Variants in EFCAB6 observed in about 807,000 individuals in gnomAD.
The protein encoded by EFCAB6 is EF-hand calcium-binding domain-containing protein 6.
A neutral mutation model predicts 169.8 loss-of-function variants in EFCAB6; 156 were observed. The observed-to-expected ratio is 0.92, with a 90% CI of 0.81 to 1.05. The LOEUF (loss-of-function observed/expected upper bound fraction) is 1.05, where lower values mean the gene tolerates loss of function less well. Ranked by LOEUF, EFCAB6 falls within the 50% of genes least tolerant of loss-of-function variation. EFCAB6 has a pLI of 0.00. For missense variants in EFCAB6, 1,800 were observed against 1,829.1 expected (o/e 0.98, Z 0.29); for synonymous variants, 698 against 676.4 (o/e 1.03, Z -0.50).
At position 43,534,735 on chromosome 22, in the gene EFCAB6, CCTTTG is replaced by C. The variant is rs2047285440; in HGVS notation, c.4181_4185del (p.Ala1394GlyfsTer52). 2 of 1,613,556 alleles carry C rather than the reference CCTTTG, an allele frequency of 1.2e-6. No homozygotes were observed. Among genetic ancestry groups the C allele is most frequent in the South Asian group, 2.2e-5 (2 of 90,892 alleles). On this transcript the variant is annotated frameshift_variant, in exon 30 of 32. Transcript: ENST00000262726. LOFTEE classifies it high-confidence loss of function. Reference sequence around the variant, plus strand: ...TTCATCCTGTGCATCAGTGAGCTTTCCTTTGCTTTTAGCAGGAGGACACAGCTCTG... The same window carrying C: ...TTCATCCTGTGCATCAGTGAGCTTTCCTTTTAGCAGGAGGACACAGCTCTG...
At chr22:43,634,655 T>C (rs2055242907) in intron 18 of EFCAB6, among the ~76,000 whole-genome samples, 1 of 130,868 alleles carries the variant, frequency 7.6e-6, no homozygotes, top group Non-Finnish European at 1.6e-5. Flanking sequence ...AAGATGGGTT[T>C]CCTAACATCC....
chr22:43,603,589 C>G (rs2052691278), intron 22 of EFCAB6, among the ~76,000 whole-genome samples: 2 of 152,252 alleles, frequency 1.3e-5, no homozygotes, highest in Admixed American at 1.3e-4. Flanking sequence ...TGTCTTAGTC[C>G]TTTCCGCTCA....
At chr22:43,605,171 G>A (rs911597907) in intron 22 of EFCAB6, among the ~76,000 whole-genome samples, 24 of 152,170 alleles carry the variant, frequency 1.6e-4, no homozygotes, top group Middle Eastern at 3.2e-3. Context: ...GAGAGAAATC[G>A]GATGTCGCTG....
chr22:43,589,616 C>T (rs1277529286), intron 24 of EFCAB6, among the ~76,000 whole-genome samples: 3 of 152,024 alleles, frequency 2.0e-5, no homozygotes, highest in Non-Finnish European at 4.4e-5. Flanking sequence ...GGTGAAACCC[C>T]GTCTCTACTA....
At chr22:43,599,259 C>T (rs1161915075) in intron 23 of EFCAB6, among the ~76,000 whole-genome samples, 1 of 152,088 alleles carries the variant, frequency 6.6e-6, no homozygotes, top group African/African-American at 2.4e-5. Flanking sequence ...TATAGACACA[C>T]TGCACTTTGG....
intron 24 of EFCAB6, among the ~76,000 whole-genome samples, chr22:43,581,766 A>C (rs2147316810): frequency 6.6e-6 from 1 of 152,326 alleles, no homozygotes; most frequent in South Asian, 2.1e-4. Flanking sequence ...GAGCTTTTCC[A>C]ACCCACAGCT....
chr22:43,738,663 A>T (rs934548747), intron 6 of EFCAB6, among the ~76,000 whole-genome samples: 2 of 152,184 alleles, frequency 1.3e-5, no homozygotes, highest in East Asian at 1.9e-4. Flanking sequence ...ACTGTCATAC[A>T]CACCATCACA....
At position 43,731,740 on chromosome 22, in the gene EFCAB6, AT is replaced by A. The variant is rs1481351307; in HGVS notation, c.715del (p.Ile239Ter). The A allele has an allele frequency of 4.4e-6, 7 of 1,603,898 alleles. 1 individual carries two copies. Among genetic ancestry groups the A allele is most frequent in the Middle Eastern group, 1.7e-4 (1 of 6,014 alleles). ...ATATCTAAGGTTCAAGTCGTTATTT[AT>A]GCTGAGATTCTTCAAAAACACGTTG... The part of the protein sequence containing the change: ...DYNVFLKNLS[I>X]NNDLNLRYCM... On this transcript the variant is annotated frameshift_variant, in exon 8 of 32. Transcript: ENST00000262726. LOFTEE classifies it high-confidence loss of function.
intron 17 of EFCAB6, among the ~76,000 whole-genome samples, chr22:43,665,839 G>C (rs2057221691): frequency 6.6e-6 from 1 of 152,226 alleles, no homozygotes; most frequent in East Asian, 1.9e-4. Flanking sequence ...CCAGGCTGGA[G>C]TGCAGTGGCA....
chr22:43,761,238 C>A (rs2061152338), intron 5 of EFCAB6, among the ~76,000 whole-genome samples: 2 of 152,306 alleles, frequency 1.3e-5, no homozygotes, highest in African/African-American at 2.4e-5. Flanking sequence ...AAATAAATTT[C>A]TTTTCTTACA....
chr22:43,640,054 T>G (rs1239539249), intron 17 of EFCAB6, among the ~76,000 whole-genome samples: 2 of 152,218 alleles, frequency 1.3e-5, no homozygotes, highest in African/African-American at 2.4e-5. Flanking sequence ...GAGTATATTT[T>G]CCTTTGTATC....
intron 26 of EFCAB6, among the ~76,000 whole-genome samples, chr22:43,562,985 C>G (rs1222616953): frequency 1.3e-5 from 2 of 152,178 alleles, no homozygotes; most frequent in East Asian, 3.9e-4. Context: ...CTGCTGCTAT[C>G]TGGGACGAGC....
chr22:43,706,131 C>T (rs2058949369), intron 10 of EFCAB6, among the ~76,000 whole-genome samples: 1 of 152,116 alleles, frequency 6.6e-6, no homozygotes, highest in Non-Finnish European at 1.5e-5. Context: ...CATATACAAC[C>T]TTCCAAGACT....
Position 43,668,815 on chromosome 22 carries a change from C to T in EFCAB6, c.1814+57G>A, listed in dbSNP as rs181706438. On this transcript the variant is annotated intron_variant, in intron 16 of 31. Transcript: ENST00000262726. ...CAGTTGACAAATAGTTACTAAATAC[C>T]TATTCCATGACAGACACTGTGGTTT... 2.9e-6 allele frequency: 4 copies of T among 1,403,406 alleles called. No homozygotes were observed. The South Asian group carries it at 5.7e-5, about 20-fold the overall frequency. The allele number at this position is 1,403,406 out of a possible 1,614,324, so 86.9% of individuals were successfully genotyped here.
chr22:43,765,251 T>G, intron 5 of EFCAB6, 54 bp downstream of exon 5: 1 of 1,381,854 alleles, frequency 7.2e-7, no homozygotes, highest in South Asian at 1.2e-5. Context: ...ACGTCATAGC[T>G]CTTACTCATC....
At position 43,772,878 on chromosome 22, in the gene EFCAB6, A is replaced by C. The variant is rs202092465; in HGVS notation, c.351+14T>G. 141 of 1,613,746 alleles carry C rather than the reference A, an allele frequency of 8.7e-5. No homozygotes were observed. The highest frequency in any genetic ancestry group is 1.2e-4 in the Non-Finnish European group (139 of 1,179,754). ...TGGAATTGAGGGATTCTAAGTATGT[A>C]CAACATACAGCACCTGAGCCAACAC... On this transcript the variant is annotated intron_variant, in intron 4 of 31. Coordinates refer to ENST00000262726, the MANE Select transcript of EFCAB6 (RefSeq NM_022785.4).
intron 3 of EFCAB6, among the ~76,000 whole-genome samples, chr22:43,778,578 A>T (rs1400972484): frequency 6.6e-6 from 1 of 151,972 alleles, no homozygotes; most frequent in Non-Finnish European, 1.5e-5. Context: ...ACCCCCCAAA[A>T]TGGCAGGTAG....
intron 6 of EFCAB6, among the ~76,000 whole-genome samples, chr22:43,736,509 C>T (rs1465409562): frequency 1.3e-5 from 2 of 152,168 alleles, no homozygotes; most frequent in Non-Finnish European, 2.9e-5. Context: ...CACAGACACA[C>T]ATGACATTAG....
chr22:43,796,078 C>T (rs2062498245), intron 2 of EFCAB6, among the ~76,000 whole-genome samples: 1 of 151,928 alleles, frequency 6.6e-6, no homozygotes, highest in Non-Finnish European at 1.5e-5. Context: ...ATGCACACCA[C>T]ATGTCCTTCT....
Sources: allele counts gnomAD v4.1 joint callset (sites outside exome capture counted in the v4.1 genomes callset), GRCh38; gene constraint gnomAD v4.1.1; transcripts MANE v1.5; gene names NCBI Gene and HGNC (gene_info 2026-07-23, HGNC 2026-07-21).